Variants in HFM1 observed in about 807,000 individuals in gnomAD.
HFM1 encodes the protein probable ATP-dependent DNA helicase HFM1.
Under a neutral mutation model 192.1 loss-of-function variants are expected in HFM1, and 169 were observed. That is an observed-to-expected ratio of 0.88 (90% CI 0.78 to 1.00). The LOEUF is 1.00. Ranked by LOEUF, HFM1 falls within the 50% of genes least tolerant of loss-of-function variation. HFM1 has a pLI of 0.00. For synonymous variants in HFM1, 525 were observed against 537.8 expected (o/e 0.98, Z 0.33); for missense variants, 1,661 against 1,668.0 (o/e 1.00, Z 0.07).
intron 30 of HFM1, among the ~76,000 whole-genome samples, chr1:91,286,787 G>A (rs1668019801): frequency 1.3e-5 from 2 of 152,222 alleles, no homozygotes; most frequent in South Asian, 2.1e-4. Context: ...AGTGGGCACA[G>A]GTCAGTGGGT....
chr1:91,386,742 G>A (rs1195950710), intron 4 of HFM1, among the ~76,000 whole-genome samples: 1 of 152,104 alleles, frequency 6.6e-6, no homozygotes, highest in Non-Finnish European at 1.5e-5. Context: ...TCAAGTTACT[G>A]AATTATATTA....
At chr1:91,283,579 A>C (rs1557775506) in intron 30 of HFM1, among the ~76,000 whole-genome samples, 1 of 152,164 alleles carries the variant, frequency 6.6e-6, no homozygotes, top group African/African-American at 2.4e-5. Context: ...GTATACTCTA[A>C]AGATAGCAGA....
intron 30 of HFM1, among the ~76,000 whole-genome samples, chr1:91,295,623 T>C (rs1570833372): frequency 6.6e-6 from 1 of 152,194 alleles, no homozygotes; most frequent in East Asian, 1.9e-4. Context: ...GTAAACACAA[T>C]TCAGCCCATA....
chr1:91,298,205 T>A (rs1349514796), intron 30 of HFM1, among the ~76,000 whole-genome samples: 1 of 152,114 alleles, frequency 6.6e-6, no homozygotes, highest in Non-Finnish European at 1.5e-5. Context: ...AAGATCAAAT[T>A]CATGAAATGA....
At position 91,341,552 on chromosome 1, in the gene HFM1, C is replaced by G. The variant is rs1370225693; in HGVS notation, c.2335+1878G>C. On this transcript the variant is annotated intron_variant, in intron 20 of 38. Coordinates refer to ENST00000370425, the MANE Select transcript of HFM1 (RefSeq NM_001017975.6). ...CTAGAAAAGCAAGAGCAAATCAACC[C>G]CAAAGCTGGCAGAGGAATAGAAATA... is the stretch of plus-strand genomic sequence containing the variant. Among the ~76,000 whole-genome samples, 6 of 152,052 alleles carry G rather than the reference C, an allele frequency of 3.9e-5. No individual in the cohort carries two copies. The South Asian group carries it at 1.0e-3, about 26-fold the overall frequency.
chr1:91,329,223 T>C, intron 20 of HFM1: 1 of 1,609,778 alleles, frequency 6.2e-7, no homozygotes, highest in Non-Finnish European at 8.5e-7. Flanking sequence ...TTACCAGCTC[T>C]TCTTGGAACC....
In HFM1 at chr1:91,323,220, T is replaced by A. The variant is rs187469788; in HGVS notation, c.2428-21A>T. ...GTAACCTATAACATTTCAGTAGTTGTCCATTTAATGAAGTCTATTTTTTAT... is the reference window on the plus strand; with the variant it reads ...GTAACCTATAACATTTCAGTAGTTGACCATTTAATGAAGTCTATTTTTTAT... On this transcript the variant is annotated intron_variant, in intron 21 of 38. Transcript: ENST00000370425. The A allele has an allele frequency of 2.4e-3, 3,026 of 1,247,092 alleles. 12 individuals carry two copies. The highest frequency in any genetic ancestry group is 3.5e-3 in the Admixed American group (180 of 51,748). 77.3% of individuals were successfully genotyped at this position (1,247,092 alleles called of 1,614,324 possible). A position where few individuals can be genotyped will look rare whatever the true frequency, so the allele number is the denominator to read the frequency against.
chr1:91,351,365 G>A (rs1186860407), intron 17 of HFM1, among the ~76,000 whole-genome samples, 184 bp downstream of exon 17: 1 of 151,624 alleles, frequency 6.6e-6, no homozygotes, highest in Non-Finnish European at 1.5e-5. Flanking sequence ...AATAAAACTA[G>A]TACCTTTTAA....
At chr1:91,375,814 G>A in intron 11 of HFM1, 87 bp from the exon 12 acceptor site, 2 of 993,436 alleles carry the variant, frequency 2.0e-6, no homozygotes, top group East Asian at 2.4e-5. Flanking sequence ...GCACTTTAAG[G>A]TCAAGCTATA....
chr1:91,406,148 A>G (rs976961551), upstream of HFM1, among the ~76,000 whole-genome samples: 5 of 152,240 alleles, frequency 3.3e-5, no homozygotes, highest in Non-Finnish European at 5.9e-5. Context: ...AGGATACAGG[A>G]GGACGGTATC....
intron 30 of HFM1, among the ~76,000 whole-genome samples, chr1:91,288,394 T>C (rs1668282916): frequency 6.8e-6 from 1 of 147,214 alleles, no homozygotes; most frequent in South Asian, 2.2e-4. Context: ...TTTTTTTTAG[T>C]ATTTATTGAT....
At chr1:91,373,066 A>C (rs1045922893) in intron 13 of HFM1, among the ~76,000 whole-genome samples, 3 of 152,144 alleles carry the variant, frequency 2.0e-5, no homozygotes, top group Non-Finnish European at 4.4e-5. Context: ...AAAAGTGTCA[A>C]AATAGTATCT....
chr1:91,337,259 C>T (rs1409987798), intron 20 of HFM1, among the ~76,000 whole-genome samples: 1 of 152,148 alleles, frequency 6.6e-6, no homozygotes, highest in Non-Finnish European at 1.5e-5. Context: ...CTTTTGAGCC[C>T]TTCTCTCAGT....
At chr1:91,390,971 A>G (rs1391440761) in intron 4 of HFM1, among the ~76,000 whole-genome samples, 1 of 152,214 alleles carries the variant, frequency 6.6e-6, no homozygotes, top group Non-Finnish European at 1.5e-5. Context: ...ACAGACAGAG[A>G]GCCAAATCAT....
At position 91,402,800 on chromosome 1, in the gene HFM1, T is replaced by C. The variant is rs183017758; in HGVS notation, c.-27-1691A>G. Among the ~76,000 whole-genome samples the C allele has an allele frequency of 4.5e-3, 682 of 152,256 alleles. 1 individual carries two copies. Among genetic ancestry groups the C allele is most frequent in the Non-Finnish European group, 7.6e-3 (518 of 67,954 alleles). On this transcript the variant is annotated intron_variant, in intron 1 of 38. Coordinates refer to ENST00000370425, the MANE Select transcript of HFM1 (RefSeq NM_001017975.6). ...CATATGGCTTTGCTACCTCAGAATT[T>C]AAGTCAAAAATCTTAAGGCTAACAT...
At chr1:91,374,178 C>G (rs1409334706) in intron 13 of HFM1, among the ~76,000 whole-genome samples, 1 of 152,064 alleles carries the variant, frequency 6.6e-6, no homozygotes, top group African/African-American at 2.4e-5. Flanking sequence ...ATTCACAGAA[C>G]ACAGAGGCTA....
intron 30 of HFM1, among the ~76,000 whole-genome samples, chr1:91,277,809 T>C (rs1184640467): frequency 4.9e-5 from 6 of 123,654 alleles, no homozygotes; most frequent in Non-Finnish European, 7.9e-5. Context: ...TATATACTAA[T>C]ATATAATATA....
At chr1:91,307,303 ACT>A (rs771708231) in intron 30 of HFM1, among the ~76,000 whole-genome samples, 76 of 152,014 alleles carry the variant, frequency 5.0e-4, no homozygotes, top group Non-Finnish European at 9.3e-4. Context: ...TATATTTTAA[ACT>A]CTGTAAGTCA....
rs1424187777 is a variant in HFM1 at position 91,344,675 on chromosome 1, A to G, written c.2255-1165T>C. Among the ~76,000 whole-genome samples, 4 of 126,530 alleles carry G rather than the reference A, an allele frequency of 3.2e-5. No individual in the cohort carries two copies. The East Asian group carries it at 9.2e-4, about 29-fold the overall frequency. 83.0% of individuals were successfully genotyped at this position (126,530 alleles called of 152,430 possible). A position where few individuals can be genotyped will look rare whatever the true frequency, so the allele number is the denominator to read the frequency against. On this transcript the variant is annotated intron_variant, in intron 19 of 38. Transcript: ENST00000370425. ...TATATAGAATGACTGTGTAATTTTAAATCTTTTTACTAAACCTTATCTTTA... is the reference window on the plus strand; with the variant it reads ...TATATAGAATGACTGTGTAATTTTAGATCTTTTTACTAAACCTTATCTTTA...
Sources: allele counts gnomAD v4.1 joint callset (sites outside exome capture counted in the v4.1 genomes callset), GRCh38; gene constraint gnomAD v4.1.1; transcripts MANE v1.5; gene names NCBI Gene and HGNC (gene_info 2026-07-23, HGNC 2026-07-21).